ROBO4: variants seen among roughly 807,000 people sequenced by gnomAD.
The protein encoded by ROBO4 is roundabout homolog 4.
In ROBO4, 80 loss-of-function variants were observed where a neutral mutation model predicts 103.3. The observed-to-expected ratio is 0.77, with a 90% confidence interval of 0.65 to 0.93. The LOEUF is 0.93. Among genes scored for constraint, ROBO4 ranks in the 40% least tolerant of loss-of-function variants. The pLI is 0.00. For missense variants in ROBO4, 1,333 were observed against 1,305.3 expected, an observed-to-expected ratio of 1.02 and a Z score of -0.33; for synonymous variants, 504 against 529.7, an observed-to-expected ratio of 0.95 and a Z score of 0.67.
rs1342018718 is a variant in ROBO4, at chr11:124,886,967, A to G, written c.2435+10T>C. The G allele has an allele frequency of 9.4e-6, 15 of 1,597,792 alleles. No homozygotes were observed. In the East Asian group the frequency reaches 3.4e-4, roughly 36 times the overall value. On this transcript the variant is annotated intron_variant, in intron 15 of 17. Coordinates refer to ENST00000306534, the MANE Select transcript of ROBO4 (RefSeq NM_019055.6). Reference sequence around the variant, plus strand: ...TCTGTAGTTCTTTGGTTATCTCTCAAGCTACTCACCTGGGAGTCTCCTCAC... The same window carrying G: ...TCTGTAGTTCTTTGGTTATCTCTCAGGCTACTCACCTGGGAGTCTCCTCAC...
intron 4 of ROBO4, 76 bp from the exon 5 acceptor site, chr11:124,895,988 A>G (rs1165740647): frequency 5.0e-6 from 8 of 1,591,662 alleles, no homozygotes; most frequent in Non-Finnish European, 6.8e-6. Flanking sequence ...TCCCTCAGCC[A>G]GGGAGGAACC....
At position 124,886,661 on chromosome 11, in the gene ROBO4, G is replaced by A. The variant is rs774226029; in HGVS notation, c.2597C>T (p.Pro866Leu). The A allele has an allele frequency of 4.3e-6, 7 of 1,613,848 alleles. No individual in the cohort carries two copies. In the South Asian group the frequency reaches 4.4e-5, roughly 10 times the overall value. Residue 866 changes from proline (P) to leucine (L), a missense_variant, in exon 16 of 18, where the codon CCC becomes CTC. By Grantham distance (98) the Pro-to-Leu change is moderately conservative. Transcript: ENST00000306534. Reference protein sequence around the residue: ...LLCPPRPCLTPTPSEGSLANG... With the variant: ...LLCPPRPCLTLTPSEGSLANG... ...GGCTAAGGAGCCCTCGCTGGGGGTG[G>A]GGGTGAGGCAGGGCCGAGGTGGGCA...
Position 124,891,813 on chromosome 11 carries a change from G to A in ROBO4, c.1548-11C>T, listed in dbSNP as rs1363595409. 3 of 1,613,764 alleles carry A rather than the reference G, an allele frequency of 1.9e-6. No homozygotes were observed. The highest frequency in any genetic ancestry group is 1.7e-5 in the Admixed American group (1 of 59,998). On this transcript the variant is annotated splice_polypyrimidine_tract_variant and intron_variant, in intron 10 of 17. Transcript: ENST00000306534. Reference sequence around the variant, plus strand: ...TCACTGTGATCCATCCTGGGGCAGTGGAGGGAGGGGGTGAGGCCAGGAGAA... The same window carrying A: ...TCACTGTGATCCATCCTGGGGCAGTAGAGGGAGGGGGTGAGGCCAGGAGAA...
chr11:124,894,702 T>C (rs922455796), intron 7 of ROBO4, among the ~76,000 whole-genome samples: 7 of 152,186 alleles, frequency 4.6e-5, no homozygotes, highest in Admixed American at 2.0e-4. Flanking sequence ...TGGGAAAGGA[T>C]CTGAGGGTTT....
In ROBO4 at chr11:124,891,710, C is replaced by T. The variant is rs536213620; in HGVS notation, c.1640G>A (p.Arg547Gln). 42 of 1,614,164 alleles carry T rather than the reference C, an allele frequency of 2.6e-5. No homozygotes were observed. The highest frequency in any genetic ancestry group is 3.3e-4 in the Middle Eastern group (2 of 6,062). ...DLSSSSSLSS[R>Q]LGADARDPLD... The stretch of plus-strand genomic sequence containing the variant: ...TGGGTCCCGGGCATCCGCCCCCAGC[C>T]GACTGCTGAGGCTGCTGCTGCTGCT... Residue 547 changes from arginine (R) to glutamine (Q), a missense_variant, in exon 11 of 18, where the codon CGG becomes CAG. Physicochemically the swap from Arg to Gln is conservative, Grantham distance 43 (BLOSUM62 1). Transcript: ENST00000306534.
At position 124,894,214 on chromosome 11, in the gene ROBO4, G is replaced by A. The variant is rs1468465493; in HGVS notation, c.1305C>T (p.Val435=). The part of the protein sequence containing the change: ...GAGAGEPSRP[V]CLLLEQAMER... ...CACTGCCCTCACCTAAAAGGAGGCA[G>A]ACAGGTCTACTGGGCTCCCCAGCTC... The change falls in exon 8 of 18, where the codon GTC becomes GTT. Residue 435 remains valine, a synonymous_variant. Coordinates refer to ENST00000306534, the MANE Select transcript of ROBO4 (RefSeq NM_019055.6). 3 of 1,611,698 alleles carry A rather than the reference G, an allele frequency of 1.9e-6. No individual in the cohort carries two copies. In the South Asian group the frequency reaches 3.3e-5, roughly 18 times the overall value.
rs773448012 is a variant in ROBO4 at position 124,897,792 on chromosome 11, C to T, written c.4G>A (p.Gly2Ser). 5 of 1,612,712 alleles carry T rather than the reference C, an allele frequency of 3.1e-6. No homozygotes were observed. The highest frequency in any genetic ancestry group is 4.2e-6 in the Non-Finnish European group (5 of 1,179,270). The change falls in exon 1 of 18, where the codon GGC (glycine) becomes AGC (serine). Residue 2 changes from glycine to serine, a missense_variant. Physicochemically the swap from Gly to Ser is moderately conservative, Grantham distance 56. Transcript: ENST00000306534. ...CCCAGGAGGCTGTCTCCTCCAGAGC[C>T]CATGGCTACTCTCAGCCCTATGTCC... M[G>S]SGGDSLLGGR...
chr11:124,885,416 A>G (rs962222173), intron 16 of ROBO4, among the ~76,000 whole-genome samples, 169 bp from the exon 17 acceptor site: 1 of 152,038 alleles, frequency 6.6e-6, no homozygotes, highest in African/African-American at 2.4e-5. Context: ...GGCCCGATCC[A>G]TTTGTTTCTT....
chr11:124,885,524 C>A (rs1206508274), intron 16 of ROBO4, among the ~76,000 whole-genome samples: 1 of 152,118 alleles, frequency 6.6e-6, no homozygotes, highest in Non-Finnish European at 1.5e-5. Context: ...TCTTCTTCTG[C>A]CATCATGGGC....
intron 12 of ROBO4, among the ~76,000 whole-genome samples, chr11:124,891,097 C>T (rs1372830854): frequency 6.6e-6 from 1 of 152,144 alleles, no homozygotes; most frequent in Non-Finnish European, 1.5e-5. Flanking sequence ...GAGCACAGTG[C>T]AAAAAGCTGA....
In ROBO4 at chr11:124,887,213, C is replaced by T. The variant is rs768986978; in HGVS notation, c.2199G>A (p.Gln733=). ...ETPPTQSQQT[Q]PPVAPQAPSS... ...AGGGAGCCTGTGGTGCCACCGGAGG[C>T]CTGATTTGCGGGAGAGAGTGATGGC... The change falls in exon 15 of 18, where the codon CAG becomes CAA. Residue 733 remains glutamine (Q), a splice_region_variant and synonymous_variant. Transcript: ENST00000306534. 2 of 1,589,586 alleles carry T rather than the reference C, an allele frequency of 1.3e-6. No individual in the cohort carries two copies. Among genetic ancestry groups the T allele is most frequent in the East Asian group, 2.2e-5 (1 of 44,608 alleles).
intron 10 of ROBO4, 143 bp from the exon 11 acceptor site, chr11:124,891,945 C>T (rs1212271767): frequency 1.1e-6 from 1 of 952,282 alleles, no homozygotes. Flanking sequence ...CAGCTTTTCA[C>T]AGACTCCTTA....
intron 12 of ROBO4, 55 bp from the exon 13 acceptor site, chr11:124,887,895 G>T: frequency 1.4e-6 from 2 of 1,420,556 alleles, no homozygotes; most frequent in Non-Finnish European, 9.8e-7. Context: ...TCAGACCCCA[G>T]CTGCTGGCTC....
At chr11:124,894,751 G>A (rs1946855490) in intron 7 of ROBO4, among the ~76,000 whole-genome samples, 1 of 152,190 alleles carries the variant, frequency 6.6e-6, no homozygotes, top group South Asian at 2.1e-4. Context: ...TGATGTTGCT[G>A]CTCTAGAAGT....
In ROBO4 at chr11:124,884,766, G is replaced by T. The variant is rs1946684180; in HGVS notation, c.*125C>A. The T allele has an allele frequency of 2.8e-6, 3 of 1,057,882 alleles. No homozygotes were observed. Among genetic ancestry groups the T allele is most frequent in the Non-Finnish European group, 1.5e-6 (1 of 680,890 alleles). The allele number at this position is 1,057,882 out of a possible 1,614,324, so 65.5% of individuals were successfully genotyped here. On this transcript the variant is annotated 3_prime_UTR_variant, in exon 18 of 18. Transcript: ENST00000306534. The stretch of plus-strand genomic sequence containing the variant: ...ATCGTGGAGGGAGAACTCTCTGGAG[G>T]CTTGGGAAGGTGGACCCCAGCTGCA...
At chr11:124,896,420 G>A in intron 3 of ROBO4, 93 bp downstream of exon 3, 1 of 1,592,136 alleles carries the variant, frequency 6.3e-7, no homozygotes, top group East Asian at 2.2e-5. Context: ...AATTCTACCG[G>A]AGGATGCGGG....
At chr11:124,892,775 G>A (rs948791015) in intron 10 of ROBO4, 1 of 152,398 alleles carries the variant, frequency 6.6e-6, no homozygotes, top group African/African-American at 2.4e-5. Context: ...AAGATCAGAA[G>A]GAATCTCCCT....
At chr11:124,893,438 G>A (rs566929149) in intron 10 of ROBO4, among the ~76,000 whole-genome samples, 2 of 152,350 alleles carry the variant, frequency 1.3e-5, no homozygotes, top group Middle Eastern at 3.4e-3. Context: ...CAGCAGGAGA[G>A]GTGGGGTGAC....
Position 124,887,342 on chromosome 11 carries a change from C to G in ROBO4, c.2198+16G>C. 1 of 1,613,932 alleles carries G rather than the reference C, an allele frequency of 6.2e-7. No homozygotes were observed. Among genetic ancestry groups the G allele is most frequent in the Non-Finnish European group, 8.5e-7 (1 of 1,179,896 alleles). On this transcript the variant is annotated intron_variant, in intron 14 of 17. Transcript: ENST00000306534. ...CCACTCTCCCAGCCCTGCTTCCCGA[C>G]CCCATGCCCTCTTACTGGGTCTGTT...
Sources: allele counts gnomAD v4.1 joint callset (sites outside exome capture counted in the v4.1 genomes callset), GRCh38; gene constraint gnomAD v4.1.1; transcripts MANE v1.5; gene names NCBI Gene and HGNC (gene_info 2026-07-23, HGNC 2026-07-21).